The following RELL2 variants were observed in gnomAD, a reference collection of about 807,000 sequenced individuals.
RELL2 encodes RELT-like protein 2.
In RELL2, 18 loss-of-function variants were observed where a neutral mutation model predicts 27.5. That is an observed-to-expected ratio of 0.65 (90% CI 0.45 to 0.97). RELL2 has a LOEUF of 0.97. Ranked by LOEUF, RELL2 falls within the 50% of genes least tolerant of loss-of-function variation. RELL2 has a pLI of 0.00. For synonymous variants in RELL2, 156 were observed against 147.5 expected, an observed-to-expected ratio of 1.06 and a Z score of -0.42; for missense variants, 370 against 397.5, an observed-to-expected ratio of 0.93 and a Z score of 0.59.
Position 141,640,893 on chromosome 5 carries a change from A to C in RELL2, c.*224A>C, listed in dbSNP as rs2154598269. 2 of 582,210 alleles carry C rather than the reference A, an allele frequency of 3.4e-6. No homozygotes were observed. The highest frequency in any genetic ancestry group is 6.1e-6 in the Non-Finnish European group (2 of 328,582). The allele number at this position is 582,210 out of a possible 1,614,324, so 36.1% of individuals were successfully genotyped here. On this transcript the variant is annotated 3_prime_UTR_variant, in exon 7 of 7. Transcript: ENST00000297164. The stretch of plus-strand genomic sequence containing the variant: ...ACAGGCTGCCTGCCCCGCCTTCCCC[A>C]ACACCTCGCTCCATATGATAGAGCG...
chr5:141,640,965 T>C lies in RELL2; in HGVS notation c.*296T>C, dbSNP rs1403305613. On this transcript the variant is annotated 3_prime_UTR_variant, in exon 7 of 7. Transcript: ENST00000297164. Reference sequence around the variant, plus strand: ...TGCCCGTGGTGGGCCCCTAAAGCAATAGCACCGTAGGCCCCCTGCCCTCTT... The same window carrying C: ...TGCCCGTGGTGGGCCCCTAAAGCAACAGCACCGTAGGCCCCCTGCCCTCTT... 5 of 480,978 alleles carry C rather than the reference T, an allele frequency of 1.0e-5. No homozygotes were observed. Among genetic ancestry groups the C allele is most frequent in the Non-Finnish European group, 1.8e-5 (5 of 273,006 alleles). The allele number at this position is 480,978 out of a possible 1,614,324, so 29.8% of individuals were successfully genotyped here.
chr5:141,640,851 T>C lies in RELL2; in HGVS notation c.*182T>C. On this transcript the variant is annotated 3_prime_UTR_variant, in exon 7 of 7. Transcript: ENST00000297164. ...GAGGTCACAGCCCCTCAGTCTCTTC[T>C]CCTTCCCCTGCCTGCAACAGGCTGC... The C allele has an allele frequency of 1.6e-6, 1 of 608,032 alleles. No homozygotes were observed. The highest frequency in any genetic ancestry group is 2.9e-6 in the Non-Finnish European group (1 of 350,184). The allele number at this position is 608,032 out of a possible 1,614,324, so 37.7% of individuals were successfully genotyped here.
chr5:141,638,513 C>A, intron 1 of RELL2, 104 bp downstream of exon 1: 1 of 1,107,294 alleles, frequency 9.0e-7, no homozygotes, highest in Non-Finnish European at 1.3e-6. Context: ...ATCAAACCTG[C>A]TCAGGAAGCC....
In RELL2 at chr5:141,640,958, A is replaced by G; in HGVS notation, c.*289A>G. 2.0e-6 allele frequency: 1 copy of G among 500,218 alleles called. No individual in the cohort carries two copies. Among genetic ancestry groups the G allele is most frequent in the Non-Finnish European group, 3.5e-6 (1 of 284,028 alleles). 31.0% of individuals were successfully genotyped at this position (500,218 alleles called of 1,614,324 possible). On this transcript the variant is annotated 3_prime_UTR_variant, in exon 7 of 7. Coordinates refer to ENST00000297164, the MANE Select transcript of RELL2 (RefSeq NM_173828.5). Reference sequence around the variant, plus strand: ...AGGCCCCTGCCCGTGGTGGGCCCCTAAAGCAATAGCACCGTAGGCCCCCTG... The same window carrying G: ...AGGCCCCTGCCCGTGGTGGGCCCCTGAAGCAATAGCACCGTAGGCCCCCTG...
Position 141,640,898 on chromosome 5 carries a change from C to T in RELL2, c.*229C>T, listed in dbSNP as rs978979249. On this transcript the variant is annotated 3_prime_UTR_variant, in exon 7 of 7. Coordinates refer to ENST00000297164, the MANE Select transcript of RELL2 (RefSeq NM_173828.5). ...CTGCCTGCCCCGCCTTCCCCAACAC[C>T]TCGCTCCATATGATAGAGCGTGGCA... 3.4e-6 allele frequency: 2 copies of T among 581,994 alleles called. No individual in the cohort carries two copies. Among genetic ancestry groups the T allele is most frequent in the Non-Finnish European group, 6.1e-6 (2 of 328,518 alleles). The allele number at this position is 581,994 out of a possible 1,614,324, so 36.1% of individuals were successfully genotyped here.
At position 141,640,716 on chromosome 5, in the gene RELL2, G is replaced by A; in HGVS notation, c.*47G>A. On this transcript the variant is annotated 3_prime_UTR_variant, in exon 7 of 7. Transcript: ENST00000297164. ...GACTACCAGCTGGCAGGGCCAGGGGGTGGGTGGGCGTGAAAGCCCTCCCCT... is the reference window on the plus strand; with the variant it reads ...GACTACCAGCTGGCAGGGCCAGGGGATGGGTGGGCGTGAAAGCCCTCCCCT... The A allele has an allele frequency of 6.6e-7, 1 of 1,524,680 alleles. No homozygotes were observed. Among genetic ancestry groups the A allele is most frequent in the Non-Finnish European group, 8.8e-7 (1 of 1,139,748 alleles). 94.4% of individuals were successfully genotyped at this position (1,524,680 alleles called of 1,614,324 possible).
intron 6 of RELL2, 39 bp from the exon 7 acceptor site, chr5:141,640,632 G>T (rs1044423092): frequency 6.5e-7 from 1 of 1,538,880 alleles, no homozygotes; most frequent in Non-Finnish European, 8.7e-7. Context: ...GACACAGCTT[G>T]AACAGGAAGC....
At chr5:141,640,616 A>G in intron 6 of RELL2, 55 bp from the exon 7 acceptor site, 2 of 1,540,950 alleles carry the variant, frequency 1.3e-6, no homozygotes, top group Non-Finnish European at 1.7e-6. Context: ...CCCAGGGGAA[A>G]AGCTGGACAC....
Position 141,640,402 on chromosome 5 carries a change from T to C in RELL2, c.880-10T>C. 1 of 1,614,174 alleles carries C rather than the reference T, an allele frequency of 6.2e-7. No individual in the cohort carries two copies. Among genetic ancestry groups the C allele is most frequent in the Non-Finnish European group, 8.5e-7 (1 of 1,180,010 alleles). On this transcript the variant is annotated splice_polypyrimidine_tract_variant and intron_variant, in intron 5 of 6. Coordinates refer to ENST00000297164, the MANE Select transcript of RELL2 (RefSeq NM_173828.5). ...GGTCTCTCATTGTTGACCCCTCCCCTTTCTCTCAGGTGTCTCTACCACAGG... is the reference window on the plus strand; with the variant it reads ...GGTCTCTCATTGTTGACCCCTCCCCCTTCTCTCAGGTGTCTCTACCACAGG...
rs1449988976 is a variant in RELL2, at chr5:141,638,219, G to A, written c.-7G>A. ...CGCCCTGGCCCGCGCTCGCCCCCCA[G>A]GGCCTCATGTCGGAACCACAGCCTG... On this transcript the variant is annotated 5_prime_UTR_variant, in exon 1 of 7. Coordinates refer to ENST00000297164, the MANE Select transcript of RELL2 (RefSeq NM_173828.5). The A allele has an allele frequency of 5.0e-6, 8 of 1,608,700 alleles. No individual in the cohort carries two copies. Among genetic ancestry groups the A allele is most frequent in the Non-Finnish European group, 6.8e-6 (8 of 1,177,442 alleles).
chr5:141,640,106 G>A lies in RELL2; in HGVS notation c.690G>A (p.Gln230=), dbSNP rs1396736347. 3.7e-6 allele frequency: 6 copies of A among 1,613,742 alleles called. No homozygotes were observed. The highest frequency in any genetic ancestry group is 5.1e-6 in the Non-Finnish European group (6 of 1,179,896). Residue 230 remains glutamine (Q), a synonymous_variant, in exon 5 of 7, where the codon CAG becomes CAA. Coordinates refer to ENST00000297164, the MANE Select transcript of RELL2 (RefSeq NM_173828.5). ...TGCCCCCTGAGAGGCCACAGCCCCA[G>A]GTCCTAGCCAGCCCCCCAGTACAGA... ...ERLPPERPQP[Q]VLASPPVQNG...
Position 141,638,791 on chromosome 5 carries a change from T to C in RELL2, c.185-4T>C, listed in dbSNP as rs1246377351. The stretch of plus-strand genomic sequence containing the variant: ...CTTCCTTGCCAATCTCTTTCATCCT[T>C]CAGCTGAGGACGATGACATGAATGA... On this transcript the variant is annotated splice_polypyrimidine_tract_variant and splice_region_variant and intron_variant, in intron 1 of 6. Coordinates refer to ENST00000297164, the MANE Select transcript of RELL2 (RefSeq NM_173828.5). The C allele has an allele frequency of 6.2e-7, 1 of 1,613,580 alleles. No individual in the cohort carries two copies. Among genetic ancestry groups the C allele is most frequent in the South Asian group, 1.1e-5 (1 of 91,068 alleles).
Position 141,639,840 on chromosome 5 carries a change from C to A in RELL2, c.504-80C>A. ...GCCAGAGGGAAGTAGCCACCAAACT[C>A]AGGATGTCCCTGGTCAGAGGGGAGG... is the stretch of plus-strand genomic sequence containing the variant. On this transcript the variant is annotated intron_variant, in intron 4 of 6. Coordinates refer to ENST00000297164, the MANE Select transcript of RELL2 (RefSeq NM_173828.5). The surrounding 1 kb of genome is among the most constrained non-coding windows in gnomAD (Gnocchi z 4.4). 1 of 1,495,642 alleles carries A rather than the reference C, an allele frequency of 6.7e-7. No homozygotes were observed. Among genetic ancestry groups the A allele is most frequent in the Admixed American group, 1.7e-5 (1 of 58,284 alleles). The allele number at this position is 1,495,642 out of a possible 1,614,324, so 92.6% of individuals were successfully genotyped here.
chr5:141,637,118 A>C lies in RELL2; in HGVS notation c.-1108A>C. ...CATCCCATCCAGCCGCTTGCCCCAA[A>C]CCGGGCGCAGGCCGTGGTCACTTCT... On this transcript the variant is annotated 5_prime_UTR_variant, in exon 1 of 7. Coordinates refer to ENST00000297164, the MANE Select transcript of RELL2 (RefSeq NM_173828.5). 2 of 269,704 alleles carry C rather than the reference A, an allele frequency of 7.4e-6. No homozygotes were observed. Among genetic ancestry groups the C allele is most frequent in the Admixed American group, 5.5e-5 (1 of 18,346 alleles). 16.7% of individuals were successfully genotyped at this position (269,704 alleles called of 1,614,324 possible).
At position 141,639,924 on chromosome 5, in the gene RELL2, C is replaced by G. The variant is rs199910418; in HGVS notation, c.508C>G (p.Arg170Gly). Residue 170 changes from arginine (R) to glycine (G), a missense_variant, in exon 5 of 7, where the codon CGG (arginine) becomes GGG (glycine). By Grantham distance (125) the Arg-to-Gly change is moderately radical. Transcript: ENST00000297164. The surrounding 1 kb of genome is among the most constrained non-coding windows in gnomAD (Gnocchi z 4.4). The stretch of plus-strand genomic sequence containing the variant: ...CAGTGTTCCCTCCCCTCCCAGGTTC[C>G]GGGTGACACACATTGAGAAGCGCTA... ...ETTVFSVGRF[R>G]VTHIEKRYGL... 3.1e-6 allele frequency: 5 copies of G among 1,613,918 alleles called. No individual in the cohort carries two copies. Among genetic ancestry groups the G allele is most frequent in the Non-Finnish European group, 4.2e-6 (5 of 1,179,974 alleles).
At position 141,638,394 on chromosome 5, in the gene RELL2, G is replaced by A. The variant is rs2099906408; in HGVS notation, c.169G>A (p.Ala57Thr). 6.2e-7 allele frequency: 1 copy of A among 1,611,036 alleles called. No homozygotes were observed. The highest frequency in any genetic ancestry group is 1.1e-5 in the South Asian group (1 of 90,968). ...GTCGAGGGGCTCTGAGCCTGACGAT[G>A]CCCAGCTTCAGCCCCGTGAGTGAGG... Reference protein sequence around the residue: ...RTSRGSEPDDAQLQPPEDDDM... With the variant: ...RTSRGSEPDDTQLQPPEDDDM... The change falls in exon 1 of 7, where the codon GCC becomes ACC. Residue 57 changes from alanine (A) to threonine (T), a missense_variant. Coordinates refer to ENST00000297164, the MANE Select transcript of RELL2 (RefSeq NM_173828.5).
chr5:141,639,803 C>T lies in RELL2; in HGVS notation c.504-117C>T. The T allele has an allele frequency of 7.6e-7, 1 of 1,316,438 alleles. No homozygotes were observed. The highest frequency in any genetic ancestry group is 1.1e-6 in the Non-Finnish European group (1 of 930,530). 81.5% of individuals were successfully genotyped at this position (1,316,438 alleles called of 1,614,324 possible). On this transcript the variant is annotated intron_variant, in intron 4 of 6. Coordinates refer to ENST00000297164, the MANE Select transcript of RELL2 (RefSeq NM_173828.5). The surrounding 1 kb of genome is among the most constrained non-coding windows in gnomAD (Gnocchi z 4.4). ...TGTGCCCCACAATCTGAGAAGGCCT[C>T]CCCTACCTTAGGCCAGAGGGAAGTA...
chr5:141,640,842 A>T lies in RELL2; in HGVS notation c.*173A>T. 1 of 627,928 alleles carries T rather than the reference A, an allele frequency of 1.6e-6. No homozygotes were observed. Among genetic ancestry groups the T allele is most frequent in the Admixed American group, 3.0e-5 (1 of 33,364 alleles). The allele number at this position is 627,928 out of a possible 1,614,324, so 38.9% of individuals were successfully genotyped here. ...GCCTCAGGAGAGGTCACAGCCCCTC[A>T]GTCTCTTCTCCTTCCCCTGCCTGCA... On this transcript the variant is annotated 3_prime_UTR_variant, in exon 7 of 7. Coordinates refer to ENST00000297164, the MANE Select transcript of RELL2 (RefSeq NM_173828.5).
rs376789716 is a variant in RELL2 at position 141,638,834 on chromosome 5, T to C, written c.224T>C (p.Ile75Thr). ...DDMNEDTVERIVRCIIQNEAN... is the reference protein window; with the variant it reads ...DDMNEDTVERTVRCIIQNEAN... ...ATGAATGAGGACACAGTAGAGAGGATTGTTCGCTGCATCATCCAGAATGAA... is the reference window on the plus strand; with the variant it reads ...ATGAATGAGGACACAGTAGAGAGGACTGTTCGCTGCATCATCCAGAATGAA... Residue 75 changes from isoleucine (I) to threonine (T), a missense_variant, in exon 2 of 7, where the codon ATT becomes ACT. Coordinates refer to ENST00000297164, the MANE Select transcript of RELL2 (RefSeq NM_173828.5). 5.0e-6 allele frequency: 8 copies of C among 1,614,180 alleles called. No individual in the cohort carries two copies. The East Asian group carries it at 1.1e-4, about 22-fold the overall frequency.
Sources: gnomAD v4.1 joint callset for allele counts on GRCh38, gnomAD v4.1.1 for gene constraint, Gnocchi (gnomAD v3.1) non-coding constraint, MANE v1.5 for transcripts, NCBI Gene and HGNC (gene_info 2026-07-23, HGNC 2026-07-21) for gene names.